RASSF3: variants seen among roughly 807,000 people sequenced by gnomAD.
RASSF3 encodes Ras association domain family member 3, also known as ras association domain-containing protein 3.
In RASSF3, 19 loss-of-function variants were observed where a neutral mutation model predicts 19.9. The ratio of observed to expected loss-of-function variants is 0.96; its 90% confidence interval spans 0.67 to 1.40. The LOEUF (loss-of-function observed/expected upper bound fraction) is 1.40, where lower values mean the gene tolerates loss of function less well. Ranked by LOEUF, RASSF3 falls within the 40% of genes most tolerant of loss-of-function variation. The probability of loss-of-function intolerance (pLI) is 0.00; values close to 1 mark genes in which losing one functional copy is unlikely to be tolerated. For missense variants in RASSF3, 306 were observed against 289.8 expected (o/e 1.06, Z -0.41); for synonymous variants, 110 against 104.2 (o/e 1.06, Z -0.34).
intron 2 of RASSF3, among the ~76,000 whole-genome samples, chr12:64,550,662 C>T (rs1343395114): frequency 1.3e-5 from 2 of 150,810 alleles, no homozygotes; most frequent in East Asian, 1.9e-4. Flanking sequence ...CTCCAAAAAA[C>T]GAAAAGAAAA....
chr12:64,560,946 G>C (rs1027109358), intron 2 of RASSF3, among the ~76,000 whole-genome samples: 4 of 152,190 alleles, frequency 2.6e-5, no homozygotes, highest in African/African-American at 9.6e-5. Context: ...TTGAGCCAAA[G>C]TCCGTCATTA....
chr12:64,612,035 A>G (rs1322854098), intron 1 of RASSF3, among the ~76,000 whole-genome samples: 1 of 152,000 alleles, frequency 6.6e-6, no homozygotes, highest in Non-Finnish European at 1.5e-5. Context: ...AGGCCCCACT[A>G]TTTACGAGTC....
intron 1 of RASSF3, among the ~76,000 whole-genome samples, chr12:64,523,930 A>G (rs1366539472): frequency 6.6e-6 from 1 of 152,112 alleles, no homozygotes; most frequent in African/African-American, 2.4e-5. Flanking sequence ...CTCCTGCCCC[A>G]CAGCCCAGTT....
intron 2 of RASSF3, among the ~76,000 whole-genome samples, chr12:64,586,053 G>A (rs956237351): frequency 7.9e-5 from 12 of 152,126 alleles, no homozygotes; most frequent in Admixed American, 1.3e-4. Context: ...GGCCAGGCAC[G>A]GTGGCTCACG....
intron 3 of RASSF3, among the ~76,000 whole-genome samples, chr12:64,689,116 G>C (rs1458156428): frequency 6.6e-6 from 1 of 152,120 alleles, no homozygotes; most frequent in African/African-American, 2.4e-5. Flanking sequence ...TTAAATTACT[G>C]CGTGAAACAG....
chr12:64,533,657 T>A (rs1868762165), intron 1 of RASSF3: 1 of 152,222 alleles, frequency 6.6e-6, no homozygotes, highest in African/African-American at 2.4e-5. Flanking sequence ...TCATTTTCTG[T>A]AACAGATGTA....
chr12:64,582,099 C>T (rs1293389574), intron 2 of RASSF3, among the ~76,000 whole-genome samples: 2 of 152,144 alleles, frequency 1.3e-5, no homozygotes, highest in Non-Finnish European at 2.9e-5. Context: ...GTGATCCTCT[C>T]ACCTCGGCCT....
Position 64,696,572 on chromosome 12 carries a change from G to A in RASSF3, c.*1660G>A, listed in dbSNP as rs1868372639. 1 of 151,834 alleles carries A rather than the reference G, an allele frequency of 6.6e-6. No individual in the cohort carries two copies. Among genetic ancestry groups the A allele is most frequent in the Non-Finnish European group, 1.5e-5 (1 of 67,954 alleles). 9.4% of individuals were successfully genotyped at this position (151,834 alleles called of 1,614,324 possible). A position where few individuals can be genotyped will look rare whatever the true frequency, so the allele number is the denominator to read the frequency against. On this transcript the variant is annotated 3_prime_UTR_variant, in exon 5 of 5. Transcript: ENST00000542104. The stretch of plus-strand genomic sequence containing the variant: ...AATGGATTCTTTTTGAAATTCCAAG[G>A]TGCTTCAGTTCTTTGCCCAAGTGAA...
chr12:64,566,076 C>A (rs1371774509), intron 2 of RASSF3, among the ~76,000 whole-genome samples: 1 of 151,762 alleles, frequency 6.6e-6, no homozygotes, highest in Non-Finnish European at 1.5e-5. Flanking sequence ...TGGCAGGCAC[C>A]TATAGTCCCA....
intron 1 of RASSF3, among the ~76,000 whole-genome samples, chr12:64,615,071 C>T (rs957672395): frequency 2.0e-5 from 3 of 152,150 alleles, no homozygotes; most frequent in Non-Finnish European, 4.4e-5. Context: ...TGTGGATTCA[C>T]GTATTTGTGG....
chr12:64,617,452 T>G (rs1870590605), intron 1 of RASSF3, among the ~76,000 whole-genome samples: 1 of 152,220 alleles, frequency 6.6e-6, no homozygotes, highest in Admixed American at 6.5e-5. Context: ...TGAAAATATC[T>G]CTCTAATTTT....
chr12:64,605,285 C>T lies in RASSF3; in HGVS notation c.294+63580C>T, dbSNP rs143398148. Among the ~76,000 whole-genome samples, 5 of 152,224 alleles carry T rather than the reference C, an allele frequency of 3.3e-5. No homozygotes were observed. The East Asian group carries it at 5.8e-4, about 18-fold the overall frequency. On this transcript the variant is annotated intron_variant, in intron 2 of 5. Transcript: ENST00000637125. ...ACAGGTGTGAGCCACCACACCCAGC[C>T]TGTCAGAATTTTTGAGAGAAATTTT...
chr12:64,583,708 C>T (rs575585607), intron 2 of RASSF3, among the ~76,000 whole-genome samples: 4 of 152,222 alleles, frequency 2.6e-5, no homozygotes, highest in South Asian at 2.1e-4. Flanking sequence ...CTCTCTGCCT[C>T]GGTTTCCATC....
At chr12:64,540,985 C>T (rs1159697770) in intron 1 of RASSF3, among the ~76,000 whole-genome samples, 2 of 151,816 alleles carry the variant, frequency 1.3e-5, no homozygotes, top group African/African-American at 4.8e-5. Flanking sequence ...GTTGCCCAGG[C>T]TGGAATTTTT....
intron 2 of RASSF3, among the ~76,000 whole-genome samples, chr12:64,572,719 C>T (rs1212338914): frequency 6.6e-6 from 1 of 152,128 alleles, no homozygotes; most frequent in Non-Finnish European, 1.5e-5. Context: ...GAAAGTAAGT[C>T]TAGTGTCTTT....
chr12:64,573,921 A>G (rs1316203354), intron 2 of RASSF3, among the ~76,000 whole-genome samples: 2 of 152,208 alleles, frequency 1.3e-5, no homozygotes, highest in Non-Finnish European at 2.9e-5. Context: ...CCACCACAGC[A>G]AGGTTACTTT....
intron 1 of RASSF3, among the ~76,000 whole-genome samples, chr12:64,512,273 G>A (rs1868332865): frequency 6.6e-6 from 1 of 152,142 alleles, no homozygotes; most frequent in Admixed American, 6.5e-5. Flanking sequence ...ATAGGCTGAT[G>A]GACAAGATGA....
chr12:64,514,135 C>A (rs554858063), intron 1 of RASSF3, among the ~76,000 whole-genome samples: 7 of 150,502 alleles, frequency 4.7e-5, no homozygotes, highest in African/African-American at 1.7e-4. Flanking sequence ...GATCCACCTG[C>A]CTCAGCCTCC....
At chr12:64,636,539 A>G (rs1480409508) in intron 1 of RASSF3, among the ~76,000 whole-genome samples, 1 of 152,142 alleles carries the variant, frequency 6.6e-6, no homozygotes, top group Non-Finnish European at 1.5e-5. Flanking sequence ...CTCTCAGATC[A>G]CAAAGAAAAT....
Sources: allele counts gnomAD v4.1 joint callset (sites outside exome capture counted in the v4.1 genomes callset), GRCh38; gene constraint gnomAD v4.1.1; transcripts MANE v1.5; gene names NCBI Gene and HGNC (gene_info 2026-07-23, HGNC 2026-07-21).